The following GARIN6 variants were observed in gnomAD, a reference collection of about 807,000 sequenced individuals.
GARIN6 encodes golgi associated RAB2 interactor family member 6.
chr12:99,650,081 C>A, the GARIN6 span: 1 of 152,364 alleles, frequency 6.6e-6, no homozygotes, highest in African/African-American at 2.4e-5. Context: ...GCTCTATTGA[C>A]AGGAAGGGTA....
the GARIN6 span, chr12:99,649,980 G>A: frequency 0.19 from 29,058 of 152,798 alleles, 2,979 homozygotes; most frequent in East Asian, 0.45. Context: ...ATGGTGCAGA[G>A]GTGGACATCT....
chr12:99,648,639 A>G, the GARIN6 span: 4 of 1,614,180 alleles, frequency 2.5e-6, no homozygotes, highest in Non-Finnish European at 2.5e-6. Flanking sequence ...TGTGTCCTCC[A>G]TCGGATGCAA....
the GARIN6 span, chr12:99,648,287 C>T: frequency 1.9e-6 from 3 of 1,614,168 alleles, no homozygotes; most frequent in South Asian, 1.1e-5. Context: ...GGCGAGTATA[C>T]TATATTCAGG....
chr12:99,648,379 G>A, the GARIN6 span: 1 of 1,614,174 alleles, frequency 6.2e-7, no homozygotes, highest in East Asian at 2.2e-5. Context: ...TGCCCGAATG[G>A]TAACAATGGG....
the GARIN6 span, chr12:99,649,260 T>C: frequency 6.4e-7 from 1 of 1,550,602 alleles, no homozygotes; most frequent in Non-Finnish European, 8.9e-7. Context: ...CTGGTCTCAC[T>C]GTCTTTGCTT....
chr12:99,648,961 T>G, the GARIN6 span, among the ~76,000 whole-genome samples: 1 of 152,184 alleles, frequency 6.6e-6, no homozygotes, highest in African/African-American at 2.4e-5. Flanking sequence ...AGGTTCCTAG[T>G]GCTTCTCCAG....
the GARIN6 span, chr12:99,649,231 G>A: frequency 4.6e-6 from 6 of 1,299,164 alleles, no homozygotes; most frequent in East Asian, 2.3e-5. Context: ...TTACCTATAG[G>A]AAGAGAAAGG....
the GARIN6 span, chr12:99,648,211 CA>C: frequency 6.2e-7 from 1 of 1,614,098 alleles, no homozygotes; most frequent in Non-Finnish European, 8.5e-7. Flanking sequence ...TTACACGGCC[CA>C]AAGCAGCCCC....
the GARIN6 span, chr12:99,649,374 T>C: frequency 6.2e-7 from 1 of 1,614,078 alleles, no homozygotes. Context: ...GGTCCACCTA[T>C]TGTGATTATA....
the GARIN6 span, chr12:99,649,671 G>A: frequency 2.5e-4 from 92 of 361,978 alleles, no homozygotes; most frequent in African/African-American, 1.8e-3. Flanking sequence ...TTATAGCAAG[G>A]GCTGCATGCA....
At chr12:99,648,280 G>A in the GARIN6 span, 7 of 1,614,054 alleles carry the variant, frequency 4.3e-6, no homozygotes, top group East Asian at 2.2e-5. Context: ...GTACAAAGGC[G>A]AGTATACTAT....
At chr12:99,648,605 CG>C in the GARIN6 span, 16 of 1,614,086 alleles carry the variant, frequency 9.9e-6, no homozygotes, top group Non-Finnish European at 1.4e-5. Flanking sequence ...AAGCTTGCCA[CG>C]GGCCGCTCTT....
the GARIN6 span, chr12:99,648,608 G>A: frequency 1.2e-6 from 2 of 1,614,044 alleles, no homozygotes; most frequent in Non-Finnish European, 1.7e-6. Context: ...CTTGCCACGG[G>A]CCGCTCTTTT....
chr12:99,648,201 T>C, the GARIN6 span: 1 of 1,614,128 alleles, frequency 6.2e-7, no homozygotes, highest in Non-Finnish European at 8.5e-7. Flanking sequence ...TGCTACCGTA[T>C]TACACGGCCC....
At chr12:99,648,415 A>C in the GARIN6 span, 2 of 1,614,184 alleles carry the variant, frequency 1.2e-6, no homozygotes, top group South Asian at 1.1e-5. Flanking sequence ...CCCCTGCCTC[A>C]CACTACCTGA....
chr12:99,649,445 C>G, the GARIN6 span: 17 of 1,472,264 alleles, frequency 1.2e-5, no homozygotes, highest in Non-Finnish European at 1.6e-5. Context: ...TTCACACACC[C>G]CTGCAGTCAT....
chr12:99,648,765 G>A, the GARIN6 span: 1 of 1,612,434 alleles, frequency 6.2e-7, no homozygotes, highest in Middle Eastern at 1.8e-4. Context: ...CATCTGTGTT[G>A]GAGGAAGTGC....
the GARIN6 span, chr12:99,647,827 C>G: frequency 3.7e-6 from 1 of 267,774 alleles, no homozygotes; most frequent in Non-Finnish European, 7.2e-6. Context: ...AGAGCAAAGG[C>G]TGTTGTGAAG....
the GARIN6 span, chr12:99,649,376 G>A: frequency 1.2e-6 from 2 of 1,613,852 alleles, no homozygotes; most frequent in African/African-American, 2.7e-5. Flanking sequence ...TCCACCTATT[G>A]TGATTATACA....
Sources: gnomAD v4.1 joint callset for allele counts (sites outside exome capture counted in the v4.1 genomes callset) on GRCh38, gnomAD v4.1.1 for gene constraint, MANE v1.5 for transcripts, NCBI Gene and HGNC (gene_info 2026-07-23, HGNC 2026-07-21) for gene names.